The following UPF2 variants were observed in gnomAD, a reference collection of about 807,000 sequenced individuals.
UPF2 encodes regulator of nonsense transcripts 2.
A neutral mutation model predicts 141.4 loss-of-function variants in UPF2; 17 were observed. That is an observed-to-expected ratio of 0.12 (90% CI 0.08 to 0.18). The LOEUF (loss-of-function observed/expected upper bound fraction) is 0.18. UPF2 is among the 10% of genes least tolerant of loss of function. The probability of loss-of-function intolerance (pLI) is 1.00; values close to 1 mark genes in which losing one functional copy is unlikely to be tolerated. For missense variants in UPF2, 1,152 were observed against 1,515.9 expected, an observed-to-expected ratio of 0.76 and a Z score of 3.99; for synonymous variants, 540 against 498.0, an observed-to-expected ratio of 1.08 and a Z score of -1.12.
chr10:11,937,554 C>A (rs1369984237), intron 18 of UPF2, among the ~76,000 whole-genome samples: 1 of 152,090 alleles, frequency 6.6e-6, no homozygotes, highest in South Asian at 2.1e-4. Flanking sequence ...TTGGGGAATG[C>A]GGAGGGAATC....
intron 3 of UPF2, among the ~76,000 whole-genome samples, chr10:12,023,510 TAAA>T (rs762703531): frequency 1.7e-5 from 2 of 117,260 alleles, no homozygotes; most frequent in Non-Finnish European, 1.8e-5. Flanking sequence ...CTGTCTCTAC[TAAA>T]AAAAAAAAAA....
chr10:11,965,552 C>A (rs1833305320), intron 10 of UPF2, among the ~76,000 whole-genome samples: 1 of 152,136 alleles, frequency 6.6e-6, no homozygotes. Flanking sequence ...CTCCACCTCT[C>A]AGGTTCATGC....
chr10:12,028,330 G>A (rs1236568652), intron 3 of UPF2, among the ~76,000 whole-genome samples: 2 of 152,100 alleles, frequency 1.3e-5, no homozygotes, highest in African/African-American at 4.8e-5. Context: ...TTCTTAAGAA[G>A]AGCAACAGTG....
Position 11,952,261 on chromosome 10 carries a change from T to C in UPF2, c.2851-12A>G, listed in dbSNP as rs1477063492. ...CACCAAACATAACGCTGATAACAAA[T>C]GAAAAATAAATTTAGCTATAAGAAA... On this transcript the variant is annotated splice_polypyrimidine_tract_variant and intron_variant, in intron 14 of 21. Transcript: ENST00000357604. 3 of 1,572,456 alleles carry C rather than the reference T, an allele frequency of 1.9e-6. No individual in the cohort carries two copies. The highest frequency in any genetic ancestry group is 1.9e-4 in the Middle Eastern group (1 of 5,364).
chr10:12,019,342 C>G lies in UPF2; in HGVS notation c.1146-5158G>C, dbSNP rs766778309. ...GAACACTGAAATTTGAACTTCAAAT[C>G]ATTTTCATGCTTCCCAAAACATTCT... On this transcript the variant is annotated intron_variant, in intron 3 of 21. Transcript: ENST00000357604. This position sits in a 1 kb window ranked among gnomAD's most constrained non-coding sequence, Gnocchi z 4.5. Among the ~76,000 whole-genome samples, 3 of 152,220 alleles carry G rather than the reference C, an allele frequency of 2.0e-5. No homozygotes were observed. The highest frequency in any genetic ancestry group is 4.4e-5 in the Non-Finnish European group (3 of 68,042).
rs1014570180 is a variant in UPF2 at position 11,920,433 on chromosome 10, A to C, written c.*865T>G. 6.6e-6 allele frequency: 1 copy of C among 152,468 alleles called. No homozygotes were observed. The highest frequency in any genetic ancestry group is 2.4e-5 in the African/African-American group (1 of 41,452). The allele number at this position is 152,468 out of a possible 1,614,324, so 9.4% of individuals were successfully genotyped here. Reference sequence around the variant, plus strand: ...TAGAGACAGAGGCTGTAAACCCATGAAGGTCAACAAAATATTCTCATCCAC... The same window carrying C: ...TAGAGACAGAGGCTGTAAACCCATGCAGGTCAACAAAATATTCTCATCCAC... On this transcript the variant is annotated 3_prime_UTR_variant, in exon 22 of 22. Transcript: ENST00000357604.
rs1452403016 is a variant in UPF2 at position 11,980,373 on chromosome 10, T to C, written c.1845-1208A>G. Among the ~76,000 whole-genome samples, 1 of 152,152 alleles carries C rather than the reference T, an allele frequency of 6.6e-6. No individual in the cohort carries two copies. Among genetic ancestry groups the C allele is most frequent in the Non-Finnish European group, 1.5e-5 (1 of 68,030 alleles). On this transcript the variant is annotated intron_variant, in intron 8 of 21. Coordinates refer to ENST00000357604, the MANE Select transcript of UPF2 (RefSeq NM_015542.4). This position sits in a 1 kb window ranked among gnomAD's most constrained non-coding sequence, Gnocchi z 4.2. ...CAGTGAGAGAGGAAGCTAAAAACTA[T>C]AAAATTACAAGAGCTTAAAAATTAT...
At chr10:11,996,183 A>C (rs189765219) in intron 8 of UPF2, among the ~76,000 whole-genome samples, 54 of 152,312 alleles carry the variant, frequency 3.5e-4, no homozygotes, top group African/African-American at 1.3e-3. Flanking sequence ...TTAATGAATG[A>C]GTACATTTTA....
chr10:11,938,853 G>GTTT (rs58106776), intron 18 of UPF2, among the ~76,000 whole-genome samples: 1,591 of 79,760 alleles, frequency 0.02, 340 homozygotes, highest in Non-Finnish European at 0.028. Context: ...TTTTTTTTTT[G>GTTT]TTTTTTTTTT....
chr10:12,031,173 CA>C (rs1230080718), intron 2 of UPF2, among the ~76,000 whole-genome samples: 19 of 29,910 alleles, frequency 6.4e-4, no homozygotes, highest in Admixed American at 1.7e-3. Flanking sequence ...GACTCCATCT[CA>C]AAAAAAAAAA....
intron 3 of UPF2, among the ~76,000 whole-genome samples, chr10:12,022,957 TCATG>T (rs1180006686): frequency 2.6e-5 from 4 of 152,098 alleles, no homozygotes; most frequent in Non-Finnish European, 1.5e-5. Flanking sequence ...AAGCCTGCAA[TCATG>T]AGGGTACTAA....
At chr10:12,026,974 C>A (rs1339381977) in intron 3 of UPF2, among the ~76,000 whole-genome samples, 1 of 152,098 alleles carries the variant, frequency 6.6e-6, no homozygotes, top group Non-Finnish European at 1.5e-5. Flanking sequence ...ATAATAATTT[C>A]TAAATGCTCA....
At chr10:11,969,685 C>T (rs951436973) in intron 9 of UPF2, among the ~76,000 whole-genome samples, 2 of 152,156 alleles carry the variant, frequency 1.3e-5, no homozygotes, top group African/African-American at 4.8e-5. Flanking sequence ...AAAAACTTCT[C>T]TTATTAATTT....
rs918853917 is a variant in UPF2 at position 11,948,226 on chromosome 10, C to T, written c.3174+143G>A. 6.0e-5 allele frequency: 49 copies of T among 817,318 alleles called. No individual in the cohort carries two copies. In the East Asian group the frequency reaches 6.8e-4, roughly 11 times the overall value. The allele number at this position is 817,318 out of a possible 1,614,324, so 50.6% of individuals were successfully genotyped here. ...TTGTGCCACAGCACTCCAACTTGGG[C>T]GACAGAGCAAGACTCTGTCTCAAAA... On this transcript the variant is annotated intron_variant, in intron 16 of 21. Coordinates refer to ENST00000357604, the MANE Select transcript of UPF2 (RefSeq NM_015542.4).
rs1396292415 is a variant in UPF2 at position 12,042,346 on chromosome 10, C to A, written c.-19+409G>T. 1.3e-5 allele frequency among the ~76,000 whole-genome samples: 2 copies of A among 152,142 alleles called. No individual in the cohort carries two copies. The highest frequency in any genetic ancestry group is 6.5e-5 in the Admixed American group (1 of 15,274). On this transcript the variant is annotated intron_variant, in intron 1 of 21. Coordinates refer to ENST00000357604, the MANE Select transcript of UPF2 (RefSeq NM_015542.4). This position sits in a 1 kb window ranked among gnomAD's most constrained non-coding sequence, Gnocchi z 5.5. ...TCCCCACTCCGCAGCCTCCCACACA[C>A]GCGCCCTCCCCACTTTCTCGCCCTC...
chr10:12,001,725 C>G lies in UPF2; in HGVS notation c.1605G>C (p.Glu535Asp), dbSNP rs760628770. The stretch of plus-strand genomic sequence containing the variant: ...TAAGATCTTCAGCTTCATCTCCACC[C>G]TCTAATTCTAAGGTGTCATCATTAA... ...LEINDDTLEL[E>D]GGDEAEDLTK... Residue 535 changes from glutamate to aspartate, a missense_variant, in exon 6 of 22, where the codon GAG becomes GAC. By Grantham distance (45) the Glu-to-Asp change is conservative. Transcript: ENST00000357604. The G allele has an allele frequency of 7.4e-6, 12 of 1,612,710 alleles. No individual in the cohort carries two copies. Among genetic ancestry groups the G allele is most frequent in the Non-Finnish European group, 1.0e-5 (12 of 1,179,608 alleles).
At chr10:11,965,856 G>C (rs1437258564) in intron 10 of UPF2, among the ~76,000 whole-genome samples, 2 of 151,932 alleles carry the variant, frequency 1.3e-5, no homozygotes, top group East Asian at 3.8e-4. Context: ...TTGAATCCAT[G>C]AGACCTGTTT....
intron 8 of UPF2, among the ~76,000 whole-genome samples, chr10:11,996,025 C>T (rs538018619): frequency 9.2e-5 from 14 of 152,082 alleles, no homozygotes; most frequent in Non-Finnish European, 2.1e-4. Flanking sequence ...TGCTGCGCTT[C>T]TTCTTGACAA....
chr10:12,012,494 G>C (rs1467111503), intron 4 of UPF2, among the ~76,000 whole-genome samples: 1 of 152,168 alleles, frequency 6.6e-6, no homozygotes, highest in Non-Finnish European at 1.5e-5. Flanking sequence ...CATTTAAAAA[G>C]TTTGGCCAGG....
Sources: gnomAD v4.1 joint callset for allele counts (sites outside exome capture counted in the v4.1 genomes callset) on GRCh38, gnomAD v4.1.1 for gene constraint, Gnocchi (gnomAD v3.1) non-coding constraint, MANE v1.5 for transcripts, NCBI Gene and HGNC (gene_info 2026-07-23, HGNC 2026-07-21) for gene names.